PHACTR3: variants seen among roughly 807,000 people sequenced by gnomAD.
PHACTR3 encodes phosphatase and actin regulator 3.
A neutral mutation model predicts 66.8 loss-of-function variants in PHACTR3; 16 were observed. That is an observed-to-expected ratio of 0.24 (90% CI 0.16 to 0.36). The LOEUF is 0.36. Among genes scored for constraint, PHACTR3 ranks in the 10% least tolerant of loss-of-function variants. The pLI is 1.00. For missense variants in PHACTR3, 647 were observed against 719.9 expected, an observed-to-expected ratio of 0.90 and a Z score of 1.16; for synonymous variants, 323 against 292.1, an observed-to-expected ratio of 1.11 and a Z score of -1.08.
intron 8 of PHACTR3, among the ~76,000 whole-genome samples, chr20:59,809,290 G>A (rs1568843409): frequency 6.6e-6 from 1 of 152,096 alleles, no homozygotes; most frequent in Non-Finnish European, 1.5e-5. Context: ...TGGGGCGCAG[G>A]TGCAGGTTGC....
chr20:59,709,297 T>C (rs1204727563), intron 1 of PHACTR3, among the ~76,000 whole-genome samples: 4 of 152,218 alleles, frequency 2.6e-5, no homozygotes, highest in Non-Finnish European at 5.9e-5. Context: ...CAGGCTCCCA[T>C]AAAAGAGCTA....
chr20:59,636,599 G>A (rs1397069807), intron 1 of PHACTR3, among the ~76,000 whole-genome samples: 1 of 152,160 alleles, frequency 6.6e-6, no homozygotes, highest in Non-Finnish European at 1.5e-5. Context: ...TGAGGCTCTG[G>A]ACAAAGTTAT....
At chr20:59,699,206 G>A (rs939538822) in intron 1 of PHACTR3, among the ~76,000 whole-genome samples, 4 of 152,184 alleles carry the variant, frequency 2.6e-5, no homozygotes, top group Admixed American at 2.0e-4. Flanking sequence ...AGGAGTTGGC[G>A]ATGTTGTTTG....
chr20:59,586,198 C>T (rs2033023119), intron 1 of PHACTR3, among the ~76,000 whole-genome samples: 1 of 152,220 alleles, frequency 6.6e-6, no homozygotes, highest in East Asian at 1.9e-4. Context: ...TTCCTGCCTC[C>T]TGCACATTGC....
At chr20:59,771,701 C>T (rs925013153) in intron 5 of PHACTR3, among the ~76,000 whole-genome samples, 10 of 152,328 alleles carry the variant, frequency 6.6e-5, no homozygotes, top group Admixed American at 6.5e-4. Context: ...CTGTCTCCAC[C>T]AGCTGACGGC....
intron 1 of PHACTR3, among the ~76,000 whole-genome samples, chr20:59,694,595 A>C (rs1391885067): frequency 1.3e-5 from 2 of 152,098 alleles, no homozygotes; most frequent in African/African-American, 4.8e-5. Flanking sequence ...AAGGAATTTA[A>C]ATTATTCTTC....
At chr20:59,610,530 C>T (rs1298661202) in intron 1 of PHACTR3, among the ~76,000 whole-genome samples, 2 of 152,252 alleles carry the variant, frequency 1.3e-5, no homozygotes, top group African/African-American at 4.8e-5. Context: ...CTGTCCAATA[C>T]AGTAGCCACT....
chr20:59,757,446 A>T (rs995087695), intron 4 of PHACTR3, among the ~76,000 whole-genome samples: 2 of 152,238 alleles, frequency 1.3e-5, no homozygotes, highest in Non-Finnish European at 2.9e-5. Flanking sequence ...CTGGGCAGAG[A>T]GCGAGGTGCA....
intron 8 of PHACTR3, among the ~76,000 whole-genome samples, chr20:59,821,413 T>A (rs1477456097): frequency 6.6e-6 from 1 of 152,176 alleles, no homozygotes; most frequent in Non-Finnish European, 1.5e-5. Flanking sequence ...GCACCAGACA[T>A]CATATTCAAG....
At chr20:59,747,679 C>A in intron 2 of PHACTR3, 79 bp from the exon 3 acceptor site, 1 of 1,511,568 alleles carries the variant, frequency 6.6e-7, no homozygotes, top group Non-Finnish European at 9.1e-7. Flanking sequence ...TAAACTTGAG[C>A]CTGGCATTGG....
At chr20:59,833,821 C>G (rs916739504) in intron 8 of PHACTR3, among the ~76,000 whole-genome samples, 1 of 152,162 alleles carries the variant, frequency 6.6e-6, no homozygotes, top group Admixed American at 6.5e-5. Flanking sequence ...AGATCCGTTG[C>G]AAGGGTGCAA....
At chr20:59,704,243 A>G (rs537870823) in intron 1 of PHACTR3, among the ~76,000 whole-genome samples, 121 of 152,270 alleles carry the variant, frequency 7.9e-4, no homozygotes, top group African/African-American at 2.8e-3. Flanking sequence ...TTTGTTGTCT[A>G]CATTAGACTT....
chr20:59,762,748 G>A (rs1477289036), intron 4 of PHACTR3, among the ~76,000 whole-genome samples: 1 of 152,134 alleles, frequency 6.6e-6, no homozygotes, highest in Non-Finnish European at 1.5e-5. Context: ...TGGAGAATGG[G>A]TTTCCACTGG....
chr20:59,648,266 G>A (rs938120721), intron 1 of PHACTR3, among the ~76,000 whole-genome samples: 1 of 152,100 alleles, frequency 6.6e-6, no homozygotes, highest in Admixed American at 6.5e-5. Context: ...CTTCTCCTCT[G>A]TTCCCCCAGG....
chr20:59,814,392 C>T (rs1433343989), intron 8 of PHACTR3, among the ~76,000 whole-genome samples: 2 of 152,108 alleles, frequency 1.3e-5, no homozygotes, highest in Non-Finnish European at 1.5e-5. Context: ...AGAGGGAATC[C>T]AGGAAGAAGG....
chr20:59,630,171 TC>T (rs1229928510), intron 1 of PHACTR3, among the ~76,000 whole-genome samples: 1 of 152,110 alleles, frequency 6.6e-6, no homozygotes, highest in East Asian at 1.9e-4. Context: ...CAGGTATATG[TC>T]TGTTTAATTT....
intron 11 of PHACTR3, among the ~76,000 whole-genome samples, chr20:59,842,522 A>G (rs907353502): frequency 6.6e-6 from 1 of 152,082 alleles, no homozygotes; most frequent in African/African-American, 2.4e-5. Context: ...ATATACCCCT[A>G]AAGTTCTTAA....
At chr20:59,638,284 G>A (rs1019492828) in intron 1 of PHACTR3, among the ~76,000 whole-genome samples, 1 of 152,194 alleles carries the variant, frequency 6.6e-6, no homozygotes, top group East Asian at 1.9e-4. Flanking sequence ...TGAGGACAGG[G>A]ACAGTATCCA....
At chr20:59,596,963 A>G (rs986626027) in intron 1 of PHACTR3, among the ~76,000 whole-genome samples, 3 of 152,242 alleles carry the variant, frequency 2.0e-5, no homozygotes, top group Non-Finnish European at 4.4e-5. Context: ...CTCACCATGC[A>G]GACTGGGCCA....
Sources: allele counts gnomAD v4.1 joint callset (sites outside exome capture counted in the v4.1 genomes callset), GRCh38; gene constraint gnomAD v4.1.1; transcripts MANE v1.5; gene names NCBI Gene and HGNC (gene_info 2026-07-23, HGNC 2026-07-21).